Variants in SPO11 observed in about 807,000 individuals in gnomAD.
The protein encoded by SPO11 is meiotic recombination protein SPO11.
Under a neutral mutation model 51.6 loss-of-function variants are expected in SPO11, and 49 were observed. That is an observed-to-expected ratio of 0.95 (90% CI 0.75 to 1.20). The LOEUF (loss-of-function observed/expected upper bound fraction) is 1.20, where lower values mean the gene tolerates loss of function less well. SPO11 is among the 50% of genes most tolerant of loss of function. The pLI is 0.00. For missense variants in SPO11, 431 were observed against 473.4 expected (o/e 0.91, Z 0.83); for synonymous variants, 176 against 158.2 (o/e 1.11, Z -0.84).
intron 5 of SPO11, 60 bp downstream of exon 5, chr20:57,334,155 ATT>A (rs72486602): frequency 0.032 from 17,121 of 542,428 alleles, 138 homozygotes; most frequent in African/African-American, 0.074. Context: ...ATAAAACATA[ATT>A]TTTTTTTTTT....
chr20:57,338,967 A>G (rs878897308), intron 9 of SPO11, 22 bp from the exon 10 acceptor site: 5 of 1,423,560 alleles, frequency 3.5e-6, no homozygotes, highest in Non-Finnish European at 4.8e-6. Flanking sequence ...GACTAATTTT[A>G]TAGTTAACTT....
In SPO11 at chr20:57,334,729, T is replaced by C. The variant is rs200975452; in HGVS notation, c.511-21T>C. 7.1e-5 allele frequency: 113 copies of C among 1,599,490 alleles called. 2 individuals carry two copies. Among genetic ancestry groups the C allele is most frequent in the East Asian group, 4.7e-4 (21 of 44,680 alleles). Reference sequence around the variant, plus strand: ...ACATATTCGTGAAGCAGGTTTCAAATATGTCTATTATTTTTTGCAGTTATC... The same window carrying C: ...ACATATTCGTGAAGCAGGTTTCAAACATGTCTATTATTTTTTGCAGTTATC... On this transcript the variant is annotated intron_variant, in intron 5 of 12. Coordinates refer to ENST00000371263, the MANE Select transcript of SPO11 (RefSeq NM_012444.3).
intron 7 of SPO11, 85 bp downstream of exon 7, chr20:57,335,540 G>A (rs2066502246): frequency 1.4e-6 from 2 of 1,387,160 alleles, no homozygotes; most frequent in Middle Eastern, 2.5e-4. Context: ...CCTTCATAAT[G>A]TGTAAGGAAC....
chr20:57,334,770 A>C lies in SPO11; in HGVS notation c.531A>C (p.Leu177Phe). The change falls in exon 6 of 13, where the codon TTA becomes TTC. Residue 177 changes from leucine to phenylalanine, a missense_variant. By Grantham distance (22) the Leu-to-Phe change is conservative (BLOSUM62 0). This residue lies in a region of SPO11 where 405 missense variants were observed against 425.9 expected (regional missense o/e 0.95). Transcript: ENST00000371263. ...TGCAGTTATCTACATCAAAAGGTTTAATTGCTGGCAACTTAAGATACATCG... is the reference window on the plus strand; with the variant it reads ...TGCAGTTATCTACATCAAAAGGTTTCATTGCTGGCAACTTAAGATACATCG... ...SLHILSTSKG[L>F]IAGNLRYIEE... 2 of 1,613,714 alleles carry C rather than the reference A, an allele frequency of 1.2e-6. No homozygotes were observed. The highest frequency in any genetic ancestry group is 2.2e-5 in the South Asian group (2 of 91,054).
chr20:57,339,096 A>G, intron 10 of SPO11, 70 bp downstream of exon 10: 6 of 1,087,692 alleles, frequency 5.5e-6, no homozygotes, highest in Non-Finnish European at 7.9e-6. Flanking sequence ...TGATTTCTGC[A>G]TTTATTAATC....
chr20:57,332,881 C>T (rs1161079406), intron 2 of SPO11, among the ~76,000 whole-genome samples: 3 of 152,152 alleles, frequency 2.0e-5, no homozygotes, highest in Non-Finnish European at 4.4e-5. Flanking sequence ...TTTACATACA[C>T]TAAAAATGTC....
chr20:57,331,795 A>G (rs749163353), intron 1 of SPO11, 38 bp from the exon 2 acceptor site: 1 of 1,213,164 alleles, frequency 8.2e-7, no homozygotes, highest in Non-Finnish European at 1.1e-6. Flanking sequence ...GTCAAAATTT[A>G]TGATTAAGAT....
chr20:57,342,119 A>T (rs2033292616), intron 11 of SPO11, among the ~76,000 whole-genome samples: 1 of 152,206 alleles, frequency 6.6e-6, no homozygotes. Context: ...ACCATGATAA[A>T]GTTATATTCC....
At chr20:57,340,242 G>A (rs1230304316) in intron 11 of SPO11, 64 bp downstream of exon 11, 2 of 1,088,230 alleles carry the variant, frequency 1.8e-6, no homozygotes, top group Non-Finnish European at 2.8e-6. Context: ...GTAACAATAA[G>A]CCTAAAAAGT....
intron 11 of SPO11, among the ~76,000 whole-genome samples, chr20:57,340,822 A>G (rs2066573079): frequency 6.6e-6 from 1 of 152,160 alleles, no homozygotes; most frequent in Admixed American, 6.5e-5. Context: ...CATTGACAAC[A>G]TCATTTGCCA....
rs372929790 is a variant in SPO11 at position 57,343,342 on chromosome 20, T to C, written c.1073T>C (p.Met358Thr). 38 of 1,606,172 alleles carry C rather than the reference T, an allele frequency of 2.4e-5. No homozygotes were observed. Among genetic ancestry groups the C allele is most frequent in the Non-Finnish European group, 4.2e-6 (5 of 1,177,848 alleles). ...VTCQPFWRKE[M>T]EIMADSKMKA... ...AGTACATTTTACTTTTATTGACAGA[T>C]GGAAATAATGGCAGACTCTAAAATG... The change falls in exon 13 of 13, where the codon ATG becomes ACG. Residue 358 changes from methionine (M) to threonine (T), a missense_variant and splice_region_variant. Physicochemically the swap from Met to Thr is moderately conservative, Grantham distance 81. Around this residue, in one of 3 missense-constraint regions of SPO11, gnomAD observed 3 missense variants for 20.1 expected, o/e 0.15. Coordinates refer to ENST00000371263, the MANE Select transcript of SPO11 (RefSeq NM_012444.3).
intron 11 of SPO11, among the ~76,000 whole-genome samples, chr20:57,342,192 AGTGT>A (rs57588313): frequency 5.3e-5 from 8 of 151,588 alleles, no homozygotes; most frequent in African/African-American, 9.7e-5. Flanking sequence ...AAGTGATAAA[AGTGT>A]GTGTGTGTGT....
rs2066606735 is a variant in SPO11 at position 57,343,328 on chromosome 20, C to G, written c.1072-13C>G. 1 of 1,603,418 alleles carries G rather than the reference C, an allele frequency of 6.2e-7. No individual in the cohort carries two copies. The highest frequency in any genetic ancestry group is 1.1e-5 in the South Asian group (1 of 88,196). On this transcript the variant is annotated splice_polypyrimidine_tract_variant and intron_variant, in intron 12 of 12. Coordinates refer to ENST00000371263, the MANE Select transcript of SPO11 (RefSeq NM_012444.3). ...AGAACTCTGGTATGAGTACATTTTA[C>G]TTTTATTGACAGATGGAAATAATGG... is the stretch of plus-strand genomic sequence containing the variant.
chr20:57,343,529 T>C lies in SPO11; in HGVS notation c.*69T>C. 7.0e-7 allele frequency: 1 copy of C among 1,434,352 alleles called. No individual in the cohort carries two copies. 88.9% of individuals were successfully genotyped at this position (1,434,352 alleles called of 1,614,324 possible). On this transcript the variant is annotated 3_prime_UTR_variant, in exon 13 of 13. Transcript: ENST00000371263. The stretch of plus-strand genomic sequence containing the variant: ...GTTTTGTTTTGATTGGCAAATACTA[T>C]TGTGGAAAGAACATATATTATATTC...
chr20:57,342,979 A>G, intron 12 of SPO11, 139 bp downstream of exon 12: 1 of 673,554 alleles, frequency 1.5e-6, no homozygotes. Context: ...TTGGCAGTAA[A>G]TAGTTGTTGA....
At chr20:57,330,066 C>CG (rs1334603321) in intron 1 of SPO11, 68 bp downstream of exon 1, 2 of 1,489,330 alleles carry the variant, frequency 1.3e-6, no homozygotes, top group East Asian at 2.5e-5. Context: ...TTCCTGGCCC[C>CG]GGGCTGCCTC....
intron 8 of SPO11, chr20:57,337,816 G>C: frequency 1.6e-6 from 2 of 1,276,664 alleles, no homozygotes; most frequent in Non-Finnish European, 2.1e-6. Flanking sequence ...ACTCAGATAT[G>C]AACCAGGGTT....
At position 57,342,754 on chromosome 20, in the gene SPO11, AT is replaced by A; in HGVS notation, c.987del (p.Pro330HisfsTer2). The A allele has an allele frequency of 6.2e-7, 1 of 1,613,222 alleles. No homozygotes were observed. Among genetic ancestry groups the A allele is most frequent in the Non-Finnish European group, 8.5e-7 (1 of 1,179,436 alleles). On this transcript the variant is annotated frameshift_variant, in exon 12 of 13. Coordinates refer to ENST00000371263, the MANE Select transcript of SPO11 (RefSeq NM_012444.3). LOFTEE classifies it high-confidence loss of function. ...KRLNVPKDSL[I>X]PLTKRDQMKL... ...ATTAAATGTACCTAAAGATAGTTTG[AT>A]TCCACTGACAAAAAGGGACCAAATG...
At chr20:57,332,680 G>C (rs758834065) in intron 2 of SPO11, among the ~76,000 whole-genome samples, 13 of 152,070 alleles carry the variant, frequency 8.5e-5, no homozygotes, top group Non-Finnish European at 1.8e-4. Context: ...ATATCCACCT[G>C]GTGCCTTCTG....
Sources: allele counts gnomAD v4.1 joint callset (sites outside exome capture counted in the v4.1 genomes callset), GRCh38; gene constraint gnomAD v4.1.1; regional missense constraint gnomAD v4.1.1; transcripts MANE v1.5; gene names NCBI Gene and HGNC (gene_info 2026-07-23, HGNC 2026-07-21).